DACH2: variants seen among roughly 807,000 people sequenced by gnomAD.
DACH2 encodes the protein dachshund homolog 2.
Under a neutral mutation model 35.8 loss-of-function variants are expected in DACH2, and 17 were observed. The ratio of observed to expected loss-of-function variants is 0.48; its 90% CI spans 0.33 to 0.71. The LOEUF is 0.71. Ranked by LOEUF, DACH2 falls within the 30% of genes least tolerant of loss-of-function variation. The probability of loss-of-function intolerance (pLI) is 0.02; values close to 1 mark genes in which losing one functional copy is unlikely to be tolerated. For missense variants in DACH2, 469 were observed against 472.7 expected, an observed-to-expected ratio of 0.99 and a Z score of 0.07; for synonymous variants, 195 against 177.3, an observed-to-expected ratio of 1.10 and a Z score of -0.79.
intron 1 of DACH2, among the ~76,000 whole-genome samples, chrX:86,298,843 C>G (rs1340122029): frequency 9.0e-6 from 1 of 111,560 alleles, no homozygotes; most frequent in Non-Finnish European, 1.9e-5. Context: ...TTTTGTTTTT[C>G]TGCACCTTTT....
intron 4 of DACH2, among the ~76,000 whole-genome samples, chrX:86,688,206 T>C (rs956240497): frequency 1.8e-5 from 2 of 112,100 alleles, no homozygotes; most frequent in Non-Finnish European, 3.8e-5. Context: ...TTCTTTTCTT[T>C]CTTCCTGGGT....
intron 1 of DACH2, among the ~76,000 whole-genome samples, chrX:86,307,146 G>A (rs760689633): frequency 3.6e-5 from 4 of 111,706 alleles, no homozygotes; most frequent in South Asian, 3.8e-4. Flanking sequence ...TTGTTGCTCC[G>A]AAGTTCAGTG....
chrX:86,751,939 G>A (rs1045004243), intron 7 of DACH2, among the ~76,000 whole-genome samples: 9 of 111,827 alleles, frequency 8.0e-5, no homozygotes, highest in African/African-American at 2.3e-4. Context: ...TTTCAGTAAC[G>A]TGGATGGAGC....
intron 2 of DACH2, among the ~76,000 whole-genome samples, chrX:86,471,025 G>A (rs2037753446): frequency 9.0e-6 from 1 of 111,175 alleles, no homozygotes; most frequent in Non-Finnish European, 1.9e-5. Context: ...CAGTGATGCA[G>A]TTAGAACTGG....
chrX:86,578,578 A>T (rs1242134952), intron 3 of DACH2, among the ~76,000 whole-genome samples: 1 of 111,815 alleles, frequency 8.9e-6, no homozygotes, highest in Non-Finnish European at 1.9e-5. Context: ...TGCACTTAAG[A>T]TTCATCCATA....
intron 3 of DACH2, among the ~76,000 whole-genome samples, chrX:86,614,139 A>T (rs1231568397): frequency 1.8e-5 from 2 of 111,826 alleles, no homozygotes; most frequent in African/African-American, 6.5e-5. Flanking sequence ...CATTTTCTTT[A>T]TTGATTTTTA....
chrX:86,453,124 G>C (rs2037411222), intron 2 of DACH2, among the ~76,000 whole-genome samples: 1 of 111,658 alleles, frequency 9.0e-6, no homozygotes, highest in South Asian at 3.7e-4. Flanking sequence ...TATTTGTGTG[G>C]TTTTGAGTGA....
chrX:86,371,349 G>A (rs753803656), intron 1 of DACH2, among the ~76,000 whole-genome samples: 2 of 110,646 alleles, frequency 1.8e-5, no homozygotes, highest in South Asian at 7.6e-4. Context: ...TCAAGTGTGT[G>A]CATCAAAATT....
chrX:86,380,705 C>T (rs2036033352), intron 2 of DACH2, among the ~76,000 whole-genome samples: 1 of 109,961 alleles, frequency 9.1e-6, no homozygotes, highest in South Asian at 3.8e-4. Flanking sequence ...CCTTTTTACT[C>T]CACAAATGAA....
chrX:86,661,302 G>T lies in DACH2; in HGVS notation c.772+10135G>T, dbSNP rs534862476. Among the ~76,000 whole-genome samples, 8 of 112,106 alleles carry T rather than the reference G, an allele frequency of 7.1e-5. 1 individual carries two copies. In the South Asian group the frequency reaches 2.6e-3, roughly 36 times the overall value. ...CAGAAATATTTTATCACTCCATGAA[G>T]AAATCCTGTACCCATTAGGATGCCC... is the stretch of plus-strand genomic sequence containing the variant. On this transcript the variant is annotated intron_variant, in intron 4 of 11. Coordinates refer to ENST00000373125, the MANE Select transcript of DACH2 (RefSeq NM_053281.3).
rs1008413782 is a variant in DACH2 at position 86,226,752 on chromosome X, G to A, written c.488+77644G>A. On this transcript the variant is annotated intron_variant, in intron 1 of 11. Coordinates refer to ENST00000373125, the MANE Select transcript of DACH2 (RefSeq NM_053281.3). ...GCCAAGTATTCCAAATTAAGAAGTT[G>A]TATATATGGATACCTTGTGCTTCTA... is the stretch of plus-strand genomic sequence containing the variant. Among the ~76,000 whole-genome samples, 6 of 111,386 alleles carry A rather than the reference G, an allele frequency of 5.4e-5. No individual in the cohort carries two copies. The Admixed American group carries it at 5.7e-4, about 11-fold the overall frequency.
intron 11 of DACH2, among the ~76,000 whole-genome samples, chrX:86,818,342 T>C (rs1331313449): frequency 9.0e-6 from 1 of 111,263 alleles, no homozygotes; most frequent in African/African-American, 3.2e-5. Context: ...CCTACAAATA[T>C]TATCAGAACT....
chrX:86,544,781 C>T (rs2038934817), intron 3 of DACH2, among the ~76,000 whole-genome samples: 2 of 111,754 alleles, frequency 1.8e-5, no homozygotes, highest in African/African-American at 6.5e-5. Context: ...GGATCAAATC[C>T]GCGCATGCCA....
chrX:86,813,466 G>A (rs1354140159), intron 9 of DACH2, among the ~76,000 whole-genome samples, 189 bp downstream of exon 9: 1 of 102,878 alleles, frequency 9.7e-6, no homozygotes. Context: ...AAAAAAATTA[G>A]CTGGGCGTGG....
intron 7 of DACH2, among the ~76,000 whole-genome samples, chrX:86,748,627 A>AT (rs886607067): frequency 2.7e-5 from 3 of 111,894 alleles, no homozygotes; most frequent in Non-Finnish European, 5.6e-5. Flanking sequence ...TGGCTCCATC[A>AT]TAGAGCAGAG....
At chrX:86,802,528 G>GAA (rs34700295) in intron 7 of DACH2, among the ~76,000 whole-genome samples, 82 of 62,920 alleles carry the variant, frequency 1.3e-3, no homozygotes, top group East Asian at 2.6e-3. Flanking sequence ...TTTCTTGGTT[G>GAA]AAAAAAAAAA....
At chrX:86,541,033 T>A (rs923367340) in intron 3 of DACH2, among the ~76,000 whole-genome samples, 4 of 111,789 alleles carry the variant, frequency 3.6e-5, no homozygotes, top group Non-Finnish European at 7.5e-5. Flanking sequence ...AAAACCTACC[T>A]GTTACAAAAA....
intron 3 of DACH2, among the ~76,000 whole-genome samples, chrX:86,543,781 A>G (rs5968938): frequency 0.14 from 13,258 of 97,196 alleles, 907 homozygotes; most frequent in East Asian, 0.23. Context: ...TGGGAATTGA[A>G]CAATGAGAAC....
At chrX:86,244,069 G>A (rs777203934) in intron 1 of DACH2, among the ~76,000 whole-genome samples, 3 of 111,966 alleles carry the variant, frequency 2.7e-5, no homozygotes, top group Non-Finnish European at 3.8e-5. Context: ...ACATTTGTAT[G>A]TTTGGCCTAC....
Sources: allele counts gnomAD v4.1 joint callset (sites outside exome capture counted in the v4.1 genomes callset), GRCh38; gene constraint gnomAD v4.1.1; transcripts MANE v1.5; gene names NCBI Gene and HGNC (gene_info 2026-07-23, HGNC 2026-07-21).